The following UBXN2A variants were observed in gnomAD, a reference collection of about 807,000 sequenced individuals.
UBXN2A encodes UBX domain-containing protein 2A.
In UBXN2A, 28 loss-of-function variants were observed where a neutral mutation model predicts 28.4. That is an observed-to-expected ratio of 0.99 (90% CI 0.73 to 1.35). UBXN2A has a LOEUF of 1.35. Ranked by LOEUF, UBXN2A falls within the 40% of genes most tolerant of loss-of-function variation. UBXN2A has a pLI of 0.00. For missense variants in UBXN2A, 253 were observed against 297.9 expected, an observed-to-expected ratio of 0.85 and a Z score of 1.11; for synonymous variants, 97 against 103.6, an observed-to-expected ratio of 0.94 and a Z score of 0.39.
At position 23,977,903 on chromosome 2, in the gene UBXN2A, C is replaced by G. The variant is rs555375532; in HGVS notation, c.287+828C>G. Among the ~76,000 whole-genome samples, 5 of 152,220 alleles carry G rather than the reference C, an allele frequency of 3.3e-5. No homozygotes were observed. The South Asian group carries it at 6.2e-4, about 19-fold the overall frequency. On this transcript the variant is annotated intron_variant, in intron 4 of 6. Coordinates refer to ENST00000309033, the MANE Select transcript of UBXN2A (RefSeq NM_181713.4). The stretch of plus-strand genomic sequence containing the variant: ...CTGGAATACAGTGACATGATCTCAG[C>G]TCACTGCAGCCTCCGCCTACTGGGG...
intron 1 of UBXN2A, among the ~76,000 whole-genome samples, chr2:23,948,888 A>G (rs1389162216): frequency 1.3e-5 from 2 of 152,126 alleles, no homozygotes; most frequent in East Asian, 1.9e-4. Context: ...TTCCTAGAGA[A>G]CAATAACCTA....
At position 23,942,682 on chromosome 2, in the gene UBXN2A, G is replaced by A. The variant is rs529371130; in HGVS notation, c.-15+2034G>A. Among the ~76,000 whole-genome samples, 115 of 152,136 alleles carry A rather than the reference G, an allele frequency of 7.6e-4. No homozygotes were observed. The South Asian group carries it at 0.015, about 20-fold the overall frequency. On this transcript the variant is annotated intron_variant, in intron 1 of 6. Coordinates refer to ENST00000309033, the MANE Select transcript of UBXN2A (RefSeq NM_181713.4). ...GATCCACCCACCTCGGCCTCCCAGA[G>A]TGCTGGGATTACAGACGTGAGCCAC... is the stretch of plus-strand genomic sequence containing the variant.
chr2:23,937,740 G>T (rs1279091591), upstream of UBXN2A, among the ~76,000 whole-genome samples: 1 of 152,200 alleles, frequency 6.6e-6, no homozygotes, highest in Non-Finnish European at 1.5e-5. Context: ...ACTGCTGAAA[G>T]AAATGAAAGA....
chr2:23,964,362 C>A (rs1265974691), intron 2 of UBXN2A, among the ~76,000 whole-genome samples: 1 of 152,122 alleles, frequency 6.6e-6, no homozygotes, highest in Non-Finnish European at 1.5e-5. Context: ...AATCGTGTGC[C>A]ACCACACCCG....
At chr2:23,987,251 A>G (rs1032833237) in intron 6 of UBXN2A, among the ~76,000 whole-genome samples, 2 of 152,172 alleles carry the variant, frequency 1.3e-5, no homozygotes, top group African/African-American at 4.8e-5. Flanking sequence ...TAAGAATAAA[A>G]TACATATGTA....
At chr2:23,993,219 A>T (rs1014696178) in intron 6 of UBXN2A, among the ~76,000 whole-genome samples, 2 of 152,196 alleles carry the variant, frequency 1.3e-5, no homozygotes, top group Non-Finnish European at 2.9e-5. Flanking sequence ...GGGAATGGGG[A>T]TTTGTTATTC....
At chr2:23,962,076 C>T (rs942661927) in intron 2 of UBXN2A, among the ~76,000 whole-genome samples, 1 of 152,210 alleles carries the variant, frequency 6.6e-6, no homozygotes, top group Admixed American at 6.5e-5. Flanking sequence ...AACTCCTGAC[C>T]TCAGGCAATC....
chr2:23,974,962 C>T (rs987797955), intron 3 of UBXN2A, among the ~76,000 whole-genome samples: 2 of 149,078 alleles, frequency 1.3e-5, no homozygotes, highest in Non-Finnish European at 3.0e-5. Flanking sequence ...CTGGGTAACA[C>T]AGCAAGACTG....
intron 2 of UBXN2A, among the ~76,000 whole-genome samples, chr2:23,967,192 T>G (rs771171796): frequency 6.6e-6 from 1 of 152,172 alleles, no homozygotes; most frequent in Non-Finnish European, 1.5e-5. Context: ...CGTCTTCATA[T>G]CTCCCTGCCA....
At chr2:23,932,259 G>A (rs1422013363) in intron 1 of UBXN2A, among the ~76,000 whole-genome samples, 1 of 151,192 alleles carries the variant, frequency 6.6e-6, no homozygotes, top group African/African-American at 2.4e-5. Context: ...CAGAGGTTGC[G>A]GTGAGCTGAG....
intron 6 of UBXN2A, among the ~76,000 whole-genome samples, chr2:23,995,652 C>A (rs1708500264): frequency 6.8e-6 from 1 of 147,266 alleles, no homozygotes; most frequent in Non-Finnish European, 1.5e-5. Context: ...AAGATCACGC[C>A]ACTGCACTCC....
chr2:23,965,072 G>A (rs1342515738), intron 2 of UBXN2A, among the ~76,000 whole-genome samples: 2 of 151,964 alleles, frequency 1.3e-5, no homozygotes, highest in African/African-American at 4.8e-5. Flanking sequence ...ATAGAGATGG[G>A]GTCTCCCTAT....
At chr2:23,962,838 G>A (rs1172677812) in intron 2 of UBXN2A, among the ~76,000 whole-genome samples, 6 of 152,048 alleles carry the variant, frequency 3.9e-5, no homozygotes, top group East Asian at 1.9e-4. Context: ...TCCAACTCCC[G>A]ACCTCAGGTG....
chr2:23,949,375 T>G (rs925163288), intron 1 of UBXN2A, among the ~76,000 whole-genome samples: 1 of 151,556 alleles, frequency 6.6e-6, no homozygotes, highest in Non-Finnish European at 1.5e-5. Context: ...ATGGAGACCA[T>G]CCTGGCTAAC....
chr2:23,982,075 G>C (rs1162769309), intron 4 of UBXN2A, among the ~76,000 whole-genome samples: 1 of 150,544 alleles, frequency 6.6e-6, no homozygotes, highest in Non-Finnish European at 1.5e-5. Context: ...TTTTAAGAAA[G>C]TTTTCCAGGC....
chr2:23,938,216 G>A (rs538917214), upstream of UBXN2A, among the ~76,000 whole-genome samples: 16 of 152,110 alleles, frequency 1.1e-4, no homozygotes, highest in African/African-American at 3.6e-4. Context: ...CTGTAATACC[G>A]GCACTTTGGG....
Position 23,972,387 on chromosome 2 carries a change from A to G in UBXN2A, c.180+973A>G, listed in dbSNP as rs183126498. On this transcript the variant is annotated intron_variant, in intron 3 of 6. Coordinates refer to ENST00000309033, the MANE Select transcript of UBXN2A (RefSeq NM_181713.4). ...GGAAAGCTCAACCAGCAAATATTTC[A>G]GAATCTGAAATTCAAAACCCTCTGG... Among the ~76,000 whole-genome samples, 65 of 152,320 alleles carry G rather than the reference A, an allele frequency of 4.3e-4. 1 individual carries two copies. Among genetic ancestry groups the G allele is most frequent in the Admixed American group, 1.2e-3 (18 of 15,286 alleles).
intron 1 of UBXN2A, among the ~76,000 whole-genome samples, chr2:23,929,141 GAGAC>G (rs1439817004): frequency 6.6e-6 from 1 of 152,102 alleles, no homozygotes; most frequent in Admixed American, 6.6e-5. Flanking sequence ...GAAAGAGAGA[GAGAC>G]AGGGTCTCAC....
Position 23,971,399 on chromosome 2 carries a change from TG to T in UBXN2A, c.166del (p.Glu56AsnfsTer6). 6.5e-7 allele frequency: 1 copy of T among 1,547,664 alleles called. No homozygotes were observed. Among genetic ancestry groups the T allele is most frequent in the South Asian group, 1.3e-5 (1 of 79,710 alleles). ...TTAGTTCCAAATGTGTGTCTCCCGC[TG>T]AACAGAAGAAACAGGTAAATAAATG... ...KVSSKCVSPA[E>X]QKKQVDVNIK... On this transcript the variant is annotated frameshift_variant, in exon 3 of 7. Coordinates refer to ENST00000309033, the MANE Select transcript of UBXN2A (RefSeq NM_181713.4). LOFTEE classifies it high-confidence loss of function.
Sources: allele counts gnomAD v4.1 joint callset (sites outside exome capture counted in the v4.1 genomes callset), GRCh38; gene constraint gnomAD v4.1.1; transcripts MANE v1.5; gene names NCBI Gene and HGNC (gene_info 2026-07-23, HGNC 2026-07-21).